The following CSNK1E variants were observed in gnomAD, a reference collection of about 807,000 sequenced individuals.
The protein encoded by CSNK1E is casein kinase 1 epsilon.
A neutral mutation model predicts 46.1 loss-of-function variants in CSNK1E; 17 were observed. The observed-to-expected ratio is 0.37, with a 90% CI of 0.25 to 0.55. The LOEUF (loss-of-function observed/expected upper bound fraction) is 0.55. Ranked by LOEUF, CSNK1E falls within the 20% of genes least tolerant of loss-of-function variation. CSNK1E has a pLI of 0.82. For missense variants in CSNK1E, 386 were observed against 595.4 expected (o/e 0.65, Z 3.66); for synonymous variants, 241 against 242.6 (o/e 0.99, Z 0.06).
At position 38,300,792 on chromosome 22, in the gene CSNK1E, G is replaced by A. The variant is rs2092667886; in HGVS notation, c.497C>T (p.Pro166Leu). 1 of 1,614,250 alleles carries A rather than the reference G, an allele frequency of 6.2e-7. No homozygotes were observed. Among genetic ancestry groups the A allele is most frequent in the Non-Finnish European group, 8.5e-7 (1 of 1,180,048 alleles). The change falls in exon 5 of 11, where the codon CCC (proline) becomes CTC (leucine). Residue 166 changes from proline (P) to leucine (L), a missense_variant. Coordinates refer to ENST00000396832, the MANE Select transcript of CSNK1E (RefSeq NM_152221.3). The surrounding 1 kb of genome is among the most constrained non-coding windows in gnomAD (Gnocchi z 4.4). ...GGTCAGGTTCTTGTTTTCCCGGTAG[G>A]GAATGTGCTGGTGGGTGCGGGCGTC... Reference protein sequence around the residue: ...YRDARTHQHIPYRENKNLTGT... With the variant: ...YRDARTHQHILYRENKNLTGT...
intron 2 of CSNK1E, among the ~76,000 whole-genome samples, chr22:38,308,863 G>C (rs748870595): frequency 5.6e-4 from 86 of 152,296 alleles, no homozygotes; most frequent in Non-Finnish European, 1.0e-3. Context: ...GGGAACCATG[G>C]GGTGGCAGAA....
Position 38,294,862 on chromosome 22 carries a change from G to A in CSNK1E, c.886-328C>T, listed in dbSNP as rs2092631507. ...GCACCTCTTGGCCCTCCTGACCTGG[G>A]GCTGGGCCTGCCCTGGCCCCCCTCT... On this transcript the variant is annotated intron_variant, in intron 7 of 10. Coordinates refer to ENST00000396832, the MANE Select transcript of CSNK1E (RefSeq NM_152221.3). The surrounding 1 kb of genome is among the most constrained non-coding windows in gnomAD (Gnocchi z 5.5). Among the ~76,000 whole-genome samples the A allele has an allele frequency of 6.6e-6, 1 of 152,146 alleles. No homozygotes were observed. The highest frequency in any genetic ancestry group is 2.4e-5 in the African/African-American group (1 of 41,432).
chr22:38,303,167 C>T lies in CSNK1E; in HGVS notation c.158G>A (p.Ser53Asn). The part of the protein sequence containing the change: ...KTKHPQLHIE[S>N]KFYKMMQGGV... ...ACCCTGCATCATCTTGTAGAACTTG[C>T]TCTCGATGTGCAGCTGGGGGTGCTT... Residue 53 changes from serine (S) to asparagine (N), a missense_variant, in exon 3 of 11, where the codon AGC (serine) becomes AAC (asparagine). Physicochemically the swap from Ser to Asn is conservative, Grantham distance 46. Transcript: ENST00000396832. This position sits in a 1 kb window ranked among gnomAD's most constrained non-coding sequence, Gnocchi z 4.7. The T allele has an allele frequency of 1.2e-6, 2 of 1,609,346 alleles. No individual in the cohort carries two copies. The highest frequency in any genetic ancestry group is 1.7e-6 in the Non-Finnish European group (2 of 1,178,646).
chr22:38,294,165 C>A lies in CSNK1E; in HGVS notation c.1162G>T (p.Val388Phe). 1 of 1,612,150 alleles carries A rather than the reference C, an allele frequency of 6.2e-7. No homozygotes were observed. The highest frequency in any genetic ancestry group is 2.2e-5 in the East Asian group (1 of 44,868). ...MRLHRGAPAN[V>F]SSSDLTGRQE... is the part of the protein sequence containing the mutation. Reference sequence around the variant, plus strand: ...CGCCCAGTGAGGTCTGAGGAGGAGACGTTGGCGGGCGCACCCCTGTGCAGC... The same window carrying A: ...CGCCCAGTGAGGTCTGAGGAGGAGAAGTTGGCGGGCGCACCCCTGTGCAGC... Residue 388 changes from valine (V) to phenylalanine (F), a missense_variant, in exon 9 of 11, where the codon GTC becomes TTC. Val to Phe is a conservative substitution (Grantham distance 50). Transcript: ENST00000396832. The surrounding 1 kb of genome is among the most constrained non-coding windows in gnomAD (Gnocchi z 5.5).
rs1188908228 is a variant in CSNK1E, at chr22:38,303,869, T to A, written c.77-621A>T. Among the ~76,000 whole-genome samples the A allele has an allele frequency of 1.3e-5, 2 of 152,008 alleles. No individual in the cohort carries two copies. The highest frequency in any genetic ancestry group is 2.9e-5 in the Non-Finnish European group (2 of 67,984). ...TCACCTGACCTGTAAATGGCGGCCT[T>A]GAGATCAACCCCGGCTCTGCTGGCC... On this transcript the variant is annotated intron_variant, in intron 2 of 10. Coordinates refer to ENST00000396832, the MANE Select transcript of CSNK1E (RefSeq NM_152221.3). The surrounding 1 kb of genome is among the most constrained non-coding windows in gnomAD (Gnocchi z 4.7).
At position 38,303,016 on chromosome 22, in the gene CSNK1E, G is replaced by T. The variant is rs1569079081; in HGVS notation, c.188-7C>A. On this transcript the variant is annotated splice_polypyrimidine_tract_variant and splice_region_variant and intron_variant, in intron 3 of 10. Transcript: ENST00000396832. This position sits in a 1 kb window ranked among gnomAD's most constrained non-coding sequence, Gnocchi z 4.7. ...TTGATGGACGGGATCCCCACTGGGG[G>T]TCAAGCAGAGGGCCTCTGTCAGGGG... 3 of 1,611,494 alleles carry T rather than the reference G, an allele frequency of 1.9e-6. No homozygotes were observed. Among genetic ancestry groups the T allele is most frequent in the Admixed American group, 3.3e-5 (2 of 59,804 alleles).
rs767428066 is a variant in CSNK1E, at chr22:38,303,106, C to T, written c.187+32G>A. On this transcript the variant is annotated intron_variant, in intron 3 of 10. Coordinates refer to ENST00000396832, the MANE Select transcript of CSNK1E (RefSeq NM_152221.3). The surrounding 1 kb of genome is among the most constrained non-coding windows in gnomAD (Gnocchi z 4.7). ...CTCATGGCTGCCCACCGCCACCCAC[C>T]CGGCGCCCGCCGCCGCCCACCCTGC... The T allele has an allele frequency of 6.3e-7, 1 of 1,598,252 alleles. No individual in the cohort carries two copies. Among genetic ancestry groups the T allele is most frequent in the Admixed American group, 1.7e-5 (1 of 59,110 alleles).
chr22:38,307,444 A>G (rs2092703284), intron 2 of CSNK1E, among the ~76,000 whole-genome samples: 1 of 151,744 alleles, frequency 6.6e-6, no homozygotes, highest in African/African-American at 2.4e-5. Flanking sequence ...CCCAGCTCTC[A>G]GGAGGCTGAG....
chr22:38,294,318 C>T lies in CSNK1E; in HGVS notation c.1078+24G>A. On this transcript the variant is annotated intron_variant, in intron 8 of 10. Transcript: ENST00000396832. The surrounding 1 kb of genome is among the most constrained non-coding windows in gnomAD (Gnocchi z 5.5). ...AGCCCCCCACCCACCCTGAACCCAG[C>T]CCACTGCCTGAGTCCCTGCTCACCA... 6.3e-7 allele frequency: 1 copy of T among 1,586,914 alleles called. No individual in the cohort carries two copies. Among genetic ancestry groups the T allele is most frequent in the Non-Finnish European group, 8.6e-7 (1 of 1,169,094 alleles).
chr22:38,301,434 T>C (rs2092671780), intron 4 of CSNK1E, among the ~76,000 whole-genome samples: 1 of 151,902 alleles, frequency 6.6e-6, no homozygotes, highest in Admixed American at 6.6e-5. Context: ...CCTCTTTCCT[T>C]TGATATTTTT....
chr22:38,301,532 AAGTGATTTTC>A (rs1189542845), intron 4 of CSNK1E, among the ~76,000 whole-genome samples: 1 of 152,074 alleles, frequency 6.6e-6, no homozygotes, highest in East Asian at 1.9e-4. Context: ...TTCAGGGTTC[AAGTGATTTTC>A]CTGCCTCAGC....
rs1005473 is a variant in CSNK1E at position 38,298,367 on chromosome 22, A to C, written c.885+419T>G. Reference sequence around the variant, plus strand: ...GACCCAGGGGCCCATGACCAAGAAGAAAGCAAGCACCATGACTGGGTCCAG... The same window carrying C: ...GACCCAGGGGCCCATGACCAAGAAGCAAGCAAGCACCATGACTGGGTCCAG... On this transcript the variant is annotated intron_variant, in intron 7 of 10. Coordinates refer to ENST00000396832, the MANE Select transcript of CSNK1E (RefSeq NM_152221.3). The surrounding 1 kb of genome is among the most constrained non-coding windows in gnomAD (Gnocchi z 4.2). 0.072 allele frequency among the ~76,000 whole-genome samples: 10,972 copies of C among 151,900 alleles called. 548 individuals are homozygous for C. The highest frequency in any genetic ancestry group is 0.17 in the Admixed American group (2,655 of 15,278).
At position 38,294,212 on chromosome 22, in the gene CSNK1E, C is replaced by T. The variant is rs1262464920; in HGVS notation, c.1115G>A (p.Arg372Gln). Residue 372 changes from arginine to glutamine, a missense_variant, in exon 9 of 11, where the codon CGG (arginine) becomes CAG (glutamine). Arg to Gln is a conservative substitution (Grantham distance 43). Coordinates refer to ENST00000396832, the MANE Select transcript of CSNK1E (RefSeq NM_152221.3). The surrounding 1 kb of genome is among the most constrained non-coding windows in gnomAD (Gnocchi z 5.5). ...CAGCCTCATACTCACCTTCCTCTCC[C>T]GGTCGACCCGCGAGATCGCTCTGGG... is the stretch of plus-strand genomic sequence containing the variant. ...TSPRAISRVD[R>Q]ERKVSMRLHR... is the part of the protein sequence containing the mutation. 5 of 1,612,700 alleles carry T rather than the reference C, an allele frequency of 3.1e-6. No individual in the cohort carries two copies. Among genetic ancestry groups the T allele is most frequent in the Middle Eastern group, 1.6e-4 (1 of 6,062 alleles).
At chr22:38,306,381 T>C (rs2092698693) in intron 2 of CSNK1E, among the ~76,000 whole-genome samples, 1 of 152,256 alleles carries the variant, frequency 6.6e-6, no homozygotes, top group Non-Finnish European at 1.5e-5. Context: ...TCACTCAAAG[T>C]GTGCGACTCA....
chr22:38,311,602 C>T (rs2092721246), intron 2 of CSNK1E, among the ~76,000 whole-genome samples: 1 of 152,150 alleles, frequency 6.6e-6, no homozygotes. Context: ...GACTTCAGTG[C>T]TCAGCCCAAC....
chr22:38,296,633 G>A (rs749557689), intron 7 of CSNK1E: 33 of 1,612,908 alleles, frequency 2.0e-5, no homozygotes, highest in Non-Finnish European at 2.8e-5. Context: ...CCTCAAGAGG[G>A]ACTTCCAGGA....
intron 6 of CSNK1E, 94 bp downstream of exon 6, chr22:38,299,801 C>G: frequency 3.4e-6 from 5 of 1,453,478 alleles, no homozygotes; most frequent in Non-Finnish European, 4.7e-6. Context: ...AACCACCGCG[C>G]CTAGCCCCAG....
intron 7 of CSNK1E, chr22:38,297,888 A>T: frequency 9.5e-7 from 1 of 1,053,676 alleles, no homozygotes; most frequent in Non-Finnish European, 1.2e-6. Context: ...GCGACATCAG[A>T]AATGGGGCCC....
chr22:38,301,038 A>G, intron 4 of CSNK1E, 86 bp from the exon 5 acceptor site: 1 of 1,155,756 alleles, frequency 8.7e-7, no homozygotes, highest in Admixed American at 1.8e-5. Context: ...ACAGAGGTGG[A>G]AAGGCAGAGG....
Sources: gnomAD v4.1 joint callset for allele counts (sites outside exome capture counted in the v4.1 genomes callset) on GRCh38, gnomAD v4.1.1 for gene constraint, Gnocchi (gnomAD v3.1) non-coding constraint, MANE v1.5 for transcripts, NCBI Gene and HGNC (gene_info 2026-07-23, HGNC 2026-07-21) for gene names.